NFIB: variants seen among roughly 807,000 people sequenced by gnomAD.
NFIB encodes the protein nuclear factor 1 B-type.
Under a neutral mutation model 61.5 loss-of-function variants are expected in NFIB, and 11 were observed. The observed-to-expected ratio is 0.18, with a 90% CI of 0.11 to 0.30. The LOEUF (loss-of-function observed/expected upper bound fraction) is 0.30. Among genes scored for constraint, NFIB ranks in the 10% least tolerant of loss-of-function variants. The probability of loss-of-function intolerance (pLI) is 1.00; values close to 1 mark genes in which losing one functional copy is unlikely to be tolerated. For synonymous variants in NFIB, 260 were observed against 216.5 expected, an observed-to-expected ratio of 1.20 and a Z score of -1.76; for missense variants, 471 against 608.9, an observed-to-expected ratio of 0.77 and a Z score of 2.38.
the NFIB span, among the ~76,000 whole-genome samples, chr9:14,509,979 C>T: frequency 6.6e-5 from 10 of 152,184 alleles, no homozygotes; most frequent in Non-Finnish European, 1.2e-4. Flanking sequence ...TCACTGCAAC[C>T]TTCGCTTCCC....
the NFIB span, among the ~76,000 whole-genome samples, chr9:14,477,481 T>C: frequency 1.3e-5 from 2 of 152,158 alleles, no homozygotes; most frequent in Non-Finnish European, 2.9e-5. Context: ...GAAATGCTTA[T>C]CCATTTAAAC....
the NFIB span, among the ~76,000 whole-genome samples, chr9:14,460,262 G>C: frequency 6.6e-6 from 1 of 151,652 alleles, no homozygotes; most frequent in East Asian, 1.9e-4. Flanking sequence ...GCAAACTATA[G>C]CAAGGACAAA....
At chr9:14,252,979 G>C (rs1034922416) in intron 2 of NFIB, among the ~76,000 whole-genome samples, 1 of 141,690 alleles carries the variant, frequency 7.1e-6, no homozygotes, top group Non-Finnish European at 1.5e-5. Context: ...GGGAGGGAGG[G>C]AGGGAGGGAA....
chr9:14,346,297 C>CCCG (rs2061021218), intron 1 of NFIB, among the ~76,000 whole-genome samples: 2 of 143,750 alleles, frequency 1.4e-5, no homozygotes, highest in Admixed American at 1.4e-4. Flanking sequence ...GACACCCCCC[C>CCCG]CCCGTAACCT....
chr9:14,479,498 C>A, the NFIB span, among the ~76,000 whole-genome samples: 10 of 152,278 alleles, frequency 6.6e-5, no homozygotes, highest in East Asian at 1.9e-3. Context: ...ATGCTAGAAG[C>A]TACAGCCTAC....
At chr9:14,106,685 T>C (rs1331266678) in intron 10 of NFIB, among the ~76,000 whole-genome samples, 1 of 152,130 alleles carries the variant, frequency 6.6e-6, no homozygotes, top group African/African-American at 2.4e-5. Flanking sequence ...CAAATAATCA[T>C]GTAAGTAGCA....
chr9:14,426,138 C>T, the NFIB span, among the ~76,000 whole-genome samples: 1,560 of 152,116 alleles, frequency 0.01, 26 homozygotes, highest in African/African-American at 0.036. Context: ...TCCTCCTAAA[C>T]TGTCACTCAA....
chr9:14,479,192 T>C, the NFIB span, among the ~76,000 whole-genome samples: 1 of 152,210 alleles, frequency 6.6e-6, no homozygotes, highest in African/African-American at 2.4e-5. Context: ...AGGAAGCTAA[T>C]CTTACAGACA....
chr9:14,344,582 G>C (rs1296829646), intron 1 of NFIB, among the ~76,000 whole-genome samples: 3 of 152,052 alleles, frequency 2.0e-5, no homozygotes, highest in Non-Finnish European at 4.4e-5. Flanking sequence ...CGATTTCTCA[G>C]TCCTAACCAG....
chr9:14,329,192 A>T (rs2060791098), intron 1 of NFIB, among the ~76,000 whole-genome samples: 1 of 152,242 alleles, frequency 6.6e-6, no homozygotes, highest in South Asian at 2.1e-4. Context: ...TCAGAGAGGT[A>T]AAGTGACTTA....
chr9:14,137,307 C>T (rs1325201217), intron 6 of NFIB, among the ~76,000 whole-genome samples: 3 of 152,162 alleles, frequency 2.0e-5, no homozygotes, highest in East Asian at 1.9e-4. Context: ...GTGAGAACTG[C>T]GCATTCCTCA....
rs181383121 is a variant in NFIB at position 14,324,418 on chromosome 9, T to A, written c.109-16898A>T. ...ATGTAAGTAACACTTGCATGGGCAG[T>A]GTTATCAAATACTAAAACTTTTATG... On this transcript the variant is annotated intron_variant, in intron 1 of 8. Coordinates refer to the NFIB transcript ENST00000380934. 5.5e-4 allele frequency among the ~76,000 whole-genome samples: 83 copies of A among 152,282 alleles called. 1 individual carries two copies. Among genetic ancestry groups the A allele is most frequent in the African/African-American group, 1.5e-3 (63 of 41,574 alleles).
At chr9:14,225,184 T>G (rs574518579) in intron 2 of NFIB, among the ~76,000 whole-genome samples, 3 of 152,268 alleles carry the variant, frequency 2.0e-5, no homozygotes, top group Admixed American at 6.5e-5. Context: ...ACAAAAACTG[T>G]AACCTCGTTT....
chr9:14,465,252 A>G, the NFIB span, among the ~76,000 whole-genome samples: 1 of 152,214 alleles, frequency 6.6e-6, no homozygotes, highest in Admixed American at 6.5e-5. Flanking sequence ...TGAGCCATCC[A>G]TCCTGGAACC....
intron 2 of NFIB, among the ~76,000 whole-genome samples, chr9:14,259,829 T>G (rs2056581230): frequency 6.6e-6 from 1 of 152,162 alleles, no homozygotes; most frequent in Non-Finnish European, 1.5e-5. Context: ...CGCTTGAACC[T>G]GGGAGGCAGA....
At chr9:14,381,253 G>A (rs1588398428) in intron 1 of NFIB, among the ~76,000 whole-genome samples, 1 of 151,928 alleles carries the variant, frequency 6.6e-6, no homozygotes, top group African/African-American at 2.4e-5. Flanking sequence ...GTGCAGTGGT[G>A]CAGTCTTGGC....
At chr9:14,435,548 A>C in the NFIB span, among the ~76,000 whole-genome samples, 3 of 152,250 alleles carry the variant, frequency 2.0e-5, no homozygotes, top group African/African-American at 7.2e-5. Context: ...ACAGATAAGT[A>C]CATGTCAACC....
chr9:14,484,485 T>C, the NFIB span, among the ~76,000 whole-genome samples: 1 of 152,232 alleles, frequency 6.6e-6, no homozygotes, highest in Admixed American at 6.5e-5. Context: ...CTGCAAAATA[T>C]GTGTTTTTAT....
At chr9:14,505,863 C>G in the NFIB span, among the ~76,000 whole-genome samples, 29,268 of 152,002 alleles carry the variant, frequency 0.19, 2,929 homozygotes, top group South Asian at 0.29. Flanking sequence ...GGAAATTACA[C>G]GTATATCATG....
Sources: gnomAD v4.1 joint callset for allele counts (sites outside exome capture counted in the v4.1 genomes callset) on GRCh38, gnomAD v4.1.1 for gene constraint, MANE v1.5 for transcripts, NCBI Gene and HGNC (gene_info 2026-07-23, HGNC 2026-07-21) for gene names.